The following MTUS1 variants were observed in gnomAD, a reference collection of about 807,000 sequenced individuals.
MTUS1 encodes the protein microtubule-associated tumor suppressor 1.
In MTUS1, 109 loss-of-function variants were observed where a neutral mutation model predicts 120.8. That is an observed-to-expected ratio of 0.90 (90% confidence interval 0.77 to 1.06). The LOEUF (loss-of-function observed/expected upper bound fraction) is 1.06, where lower values mean the gene tolerates loss of function less well. Among genes scored for constraint, MTUS1 ranks in the 50% least tolerant of loss-of-function variants. The pLI, the probability that MTUS1 is intolerant of heterozygous loss-of-function variation, is 0.00. For missense variants in MTUS1, 2,210 were observed against 1,486.3 expected (o/e 1.49, Z -8.01); for synonymous variants, 737 against 550.5 (o/e 1.34, Z -4.74).
Position 17,684,361 on chromosome 8 carries a change from T to A in MTUS1, c.2805A>T (p.Ala935=). 1.2e-6 allele frequency: 2 copies of A among 1,614,166 alleles called. No individual in the cohort carries two copies. Among genetic ancestry groups the A allele is most frequent in the Non-Finnish European group, 1.7e-6 (2 of 1,180,012 alleles). The part of the protein sequence containing the change: ...LLACGNTKFE[A]LTVVIQHLLS... Reference sequence around the variant, plus strand: ...GCAGGTGCTGAATCACAACTGTCAATGCCTCAAACTTGGTATTACCACAGG... The same window carrying A: ...GCAGGTGCTGAATCACAACTGTCAAAGCCTCAAACTTGGTATTACCACAGG... Residue 935 remains alanine (A), a synonymous_variant, in exon 7 of 15, where the codon GCA becomes GCT. Coordinates refer to ENST00000693296, the MANE Select transcript of MTUS1 (RefSeq NM_001363059.2).
intron 4 of MTUS1, among the ~76,000 whole-genome samples, chr8:17,717,902 A>C (rs567973065): frequency 6.6e-6 from 1 of 152,292 alleles, no homozygotes; most frequent in South Asian, 2.1e-4. Flanking sequence ...GCAAGGATAA[A>C]ATGTCTGCGT....
intron 8 of MTUS1, among the ~76,000 whole-genome samples, chr8:17,662,277 CAAGCA>C (rs1205268041): frequency 6.6e-6 from 1 of 151,386 alleles, no homozygotes; most frequent in African/African-American, 2.4e-5. Context: ...TTGCAACAAG[CAAGCA>C]TGGACATGCG....
intron 6 of MTUS1, among the ~76,000 whole-genome samples, chr8:17,703,644 A>AAAAAG (rs57253592): frequency 6.7e-6 from 1 of 150,308 alleles, no homozygotes; most frequent in Non-Finnish European, 1.5e-5. Flanking sequence ...AAAAAAAAAA[A>AAAAAG]GGACTGAGAG....
At chr8:17,666,908 C>T (rs1429502240) in intron 8 of MTUS1, among the ~76,000 whole-genome samples, 1 of 152,130 alleles carries the variant, frequency 6.6e-6, no homozygotes, top group Non-Finnish European at 1.5e-5. Flanking sequence ...GGACTTCATC[C>T]CCAGCCAACC....
intron 6 of MTUS1, among the ~76,000 whole-genome samples, chr8:17,691,675 C>T (rs1489659162): frequency 6.6e-6 from 1 of 151,898 alleles, no homozygotes; most frequent in Non-Finnish European, 1.5e-5. Flanking sequence ...CTGAATTTTA[C>T]CTTTTCACAC....
Position 17,646,963 on chromosome 8 carries a change from A to G in MTUS1, c.3599+19T>C. On this transcript the variant is annotated intron_variant, in intron 14 of 14. Transcript: ENST00000693296. Reference sequence around the variant, plus strand: ...AGGGAGCGGGGAGCTCGGGAGAAACAGCACTGTTTTATTTTTACCTTGAGA... The same window carrying G: ...AGGGAGCGGGGAGCTCGGGAGAAACGGCACTGTTTTATTTTTACCTTGAGA... 6.3e-7 allele frequency: 1 copy of G among 1,591,774 alleles called. No homozygotes were observed. The highest frequency in any genetic ancestry group is 8.6e-7 in the Non-Finnish European group (1 of 1,159,810).
In MTUS1 at chr8:17,716,004, C is replaced by G. The variant is rs547374587; in HGVS notation, c.2450-103G>C. The G allele has an allele frequency of 1.8e-3, 1,819 of 1,016,368 alleles. 30 individuals are homozygous for G. The South Asian group carries it at 0.028, about 15-fold the overall frequency. 63.0% of individuals were successfully genotyped at this position (1,016,368 alleles called of 1,614,324 possible). On this transcript the variant is annotated intron_variant, in intron 4 of 14. Coordinates refer to ENST00000693296, the MANE Select transcript of MTUS1 (RefSeq NM_001363059.2). ...TGAACCAACAAATGCTCAATAAGCA[C>G]CTACGACATGCCAGTCATTACTGAA...
In MTUS1 at chr8:17,653,444, T is replaced by G; in HGVS notation, c.3269A>C (p.Glu1090Ala). Reference sequence around the variant, plus strand: ...ACCCACCTCTAGCGATTCCTGCTTCTCAGAAAGTAAATCTTCAAGCGATTT... The same window carrying G: ...ACCCACCTCTAGCGATTCCTGCTTCGCAGAAAGTAAATCTTCAAGCGATTT... ...EKKSLEDLLS[E>A]KQESLEKQIN... The change falls in exon 11 of 15, where the codon GAG (glutamate) becomes GCG (alanine). Residue 1090 changes from glutamate to alanine, a missense_variant. By Grantham distance (107) the Glu-to-Ala change is moderately radical. Coordinates refer to ENST00000693296, the MANE Select transcript of MTUS1 (RefSeq NM_001363059.2). 2 of 1,611,758 alleles carry G rather than the reference T, an allele frequency of 1.2e-6. No individual in the cohort carries two copies. Among genetic ancestry groups the G allele is most frequent in the Non-Finnish European group, 1.7e-6 (2 of 1,179,026 alleles).
At chr8:17,767,700 T>TAAGAAAAAAAA (rs1554533204) in intron 1 of MTUS1, among the ~76,000 whole-genome samples, 3 of 87,870 alleles carry the variant, frequency 3.4e-5, no homozygotes, top group African/African-American at 1.5e-4. Context: ...CCCTGTCTCT[T>TAAGAAAAAAAA]AAAAAAAAAA....
intron 1 of MTUS1, among the ~76,000 whole-genome samples, chr8:17,782,763 C>T (rs1044330604): frequency 1.3e-5 from 2 of 152,146 alleles, no homozygotes; most frequent in African/African-American, 4.8e-5. Context: ...CAGGTTTCTA[C>T]TGGCAACATT....
intron 2 of MTUS1, among the ~76,000 whole-genome samples, chr8:17,750,727 G>T (rs1292229248): frequency 2.0e-5 from 3 of 152,130 alleles, no homozygotes; most frequent in Non-Finnish European, 4.4e-5. Context: ...TATAACTAAG[G>T]CACCTGAGCA....
chr8:17,691,203 A>G (rs1279486237), intron 6 of MTUS1: 2 of 152,250 alleles, frequency 1.3e-5, no homozygotes, highest in African/African-American at 4.8e-5. Context: ...CTACATTAAA[A>G]CATAATTTAG....
intron 2 of MTUS1, among the ~76,000 whole-genome samples, chr8:17,749,995 T>C (rs1586153180): frequency 6.6e-6 from 1 of 152,228 alleles, no homozygotes; most frequent in African/African-American, 2.4e-5. Flanking sequence ...CTTAGTAACC[T>C]GCCAGAGGTC....
At chr8:17,779,389 A>G (rs17125376) in intron 1 of MTUS1, among the ~76,000 whole-genome samples, 4,811 of 152,290 alleles carry the variant, frequency 0.032, 270 homozygotes, top group African/African-American at 0.11. Context: ...CCTTGTCAAT[A>G]TTTCAAAAAT....
chr8:17,776,610 T>C lies in MTUS1; in HGVS notation c.-154-20649A>G, dbSNP rs1019698857. ...AGCAGAATCACTTGAACTCGGGAGG[T>C]GGAGGTTGTAGTGAGGTGAGACTGC... On this transcript the variant is annotated intron_variant, in intron 1 of 14. Transcript: ENST00000693296. Among the ~76,000 whole-genome samples the C allele has an allele frequency of 2.9e-4, 36 of 122,960 alleles. 1 individual carries two copies. Among genetic ancestry groups the C allele is most frequent in the Non-Finnish European group, 1.1e-4 (7 of 63,332 alleles). The allele number at this position is 122,960 out of a possible 152,430, so 80.7% of individuals were successfully genotyped here.
At position 17,792,913 on chromosome 8, in the gene MTUS1, T is replaced by C. The variant is rs898005585; in HGVS notation, c.-155+8148A>G. Among the ~76,000 whole-genome samples, 5 of 152,132 alleles carry C rather than the reference T, an allele frequency of 3.3e-5. No individual in the cohort carries two copies. In the East Asian group the frequency reaches 9.6e-4, roughly 29 times the overall value. On this transcript the variant is annotated intron_variant, in intron 1 of 14. Coordinates refer to ENST00000693296, the MANE Select transcript of MTUS1 (RefSeq NM_001363059.2). ...TTTTAACCCTTAAACAGAAAATACT[T>C]CTTCACAGCATTAAATCAAGTTCAA...
chr8:17,745,280 C>G (rs74951941), intron 2 of MTUS1, among the ~76,000 whole-genome samples: 154 of 152,306 alleles, frequency 1.0e-3, no homozygotes, highest in Middle Eastern at 3.4e-3. Flanking sequence ...ACACTCAAAT[C>G]TCTTATATGA....
At position 17,754,007 on chromosome 8, in the gene MTUS1, C is replaced by A. The variant is rs749052999; in HGVS notation, c.1801G>T (p.Val601Phe). The change falls in exon 2 of 15, where the codon GTT becomes TTT. Residue 601 changes from valine (V) to phenylalanine (F), a missense_variant. Coordinates refer to ENST00000693296, the MANE Select transcript of MTUS1 (RefSeq NM_001363059.2). The part of the protein sequence containing the change: ...TTHSKNASHR[V>F]PRTTSAVKSN... ...TTCACGGCAGATGTTGTTCTTGGAA[C>A]CCTGTGTGAAGCATTTTTAGAATGA... 4.3e-6 allele frequency: 7 copies of A among 1,614,056 alleles called. No individual in the cohort carries two copies. In the African/African-American group the frequency reaches 6.7e-5, roughly 15 times the overall value.
Position 17,705,357 on chromosome 8 carries a change from G to C in MTUS1, c.2623+7857C>G, listed in dbSNP as rs542960390. ...TCTATTATACTAGTGTTCCTGGAAA[G>C]ATCTTTTCTACTTAAGTCTATATTC... On this transcript the variant is annotated intron_variant, in intron 6 of 14. Coordinates refer to ENST00000693296, the MANE Select transcript of MTUS1 (RefSeq NM_001363059.2). 5.9e-4 allele frequency among the ~76,000 whole-genome samples: 90 copies of C among 152,220 alleles called. 1 individual carries two copies. Among genetic ancestry groups the C allele is most frequent in the Admixed American group, 1.2e-3 (18 of 15,288 alleles).
Sources: allele counts gnomAD v4.1 joint callset (sites outside exome capture counted in the v4.1 genomes callset), GRCh38; gene constraint gnomAD v4.1.1; transcripts MANE v1.5; gene names NCBI Gene and HGNC (gene_info 2026-07-23, HGNC 2026-07-21).